Variants in RTN1 observed in about 807,000 individuals in gnomAD.
The protein encoded by RTN1 is reticulon 1.
In RTN1, 25 loss-of-function variants were observed where a neutral mutation model predicts 65.5. The observed-to-expected ratio is 0.38, with a 90% CI of 0.28 to 0.53. The LOEUF (loss-of-function observed/expected upper bound fraction) is 0.53, where lower values mean the gene tolerates loss of function less well. Among genes scored for constraint, RTN1 ranks in the 20% least tolerant of loss-of-function variants. The probability of loss-of-function intolerance (pLI) is 0.79; values close to 1 mark genes in which losing one functional copy is unlikely to be tolerated. For synonymous variants in RTN1, 471 were observed against 447.6 expected, an observed-to-expected ratio of 1.05 and a Z score of -0.66; for missense variants, 983 against 1,025.4, an observed-to-expected ratio of 0.96 and a Z score of 0.57.
chr14:59,842,946 C>T (rs1185333365), intron 1 of RTN1, among the ~76,000 whole-genome samples: 3 of 152,146 alleles, frequency 2.0e-5, no homozygotes, highest in South Asian at 2.1e-4. Context: ...TAAAACTAAA[C>T]ATTAGCCTAC....
chr14:59,747,998 A>G (rs1220790554), intron 1 of RTN1, among the ~76,000 whole-genome samples: 1 of 152,166 alleles, frequency 6.6e-6, no homozygotes, highest in Non-Finnish European at 1.5e-5. Flanking sequence ...TTTCATTAAT[A>G]TCAACTCATT....
intron 3 of RTN1, among the ~76,000 whole-genome samples, chr14:59,616,653 C>T (rs997772245): frequency 3.3e-5 from 5 of 152,116 alleles, no homozygotes; most frequent in African/African-American, 1.2e-4. Context: ...CAAAAGTAAA[C>T]AAAACTGCTA....
chr14:59,628,106 A>T (rs1419394779), intron 3 of RTN1, among the ~76,000 whole-genome samples: 1 of 152,096 alleles, frequency 6.6e-6, no homozygotes, highest in Non-Finnish European at 1.5e-5. Flanking sequence ...AGGCTGAGGC[A>T]GGAGGATTGC....
intron 3 of RTN1, among the ~76,000 whole-genome samples, chr14:59,635,512 A>G (rs1380496081): frequency 6.6e-6 from 1 of 152,208 alleles, no homozygotes; most frequent in African/African-American, 2.4e-5. Context: ...CAGGAGACAA[A>G]AACAGAACAT....
chr14:59,756,994 T>C lies in RTN1; in HGVS notation c.242-10513A>G, dbSNP rs973034570. Among the ~76,000 whole-genome samples, 5 of 152,164 alleles carry C rather than the reference T, an allele frequency of 3.3e-5. No individual in the cohort carries two copies. In the East Asian group the frequency reaches 9.6e-4, roughly 29 times the overall value. ...ATGAGCCACTGCATCTAGCTCTTTG[T>C]TTACAAAAAAATACTTTATTCTTAT... is the stretch of plus-strand genomic sequence containing the variant. On this transcript the variant is annotated intron_variant, in intron 1 of 8. Coordinates refer to ENST00000267484, the MANE Select transcript of RTN1 (RefSeq NM_021136.3).
chr14:59,796,888 T>A (rs1283168993), intron 1 of RTN1, among the ~76,000 whole-genome samples: 1 of 152,188 alleles, frequency 6.6e-6, no homozygotes. Context: ...ATCCTGTCTA[T>A]CTTCATATCC....
chr14:59,748,434 C>G (rs1399014739), intron 1 of RTN1, among the ~76,000 whole-genome samples: 7 of 151,812 alleles, frequency 4.6e-5, no homozygotes, highest in Non-Finnish European at 8.8e-5. Context: ...ACCTATATAC[C>G]TAATTCTCTC....
intron 3 of RTN1, among the ~76,000 whole-genome samples, chr14:59,712,331 C>T (rs1040456433): frequency 2.6e-5 from 4 of 152,092 alleles, no homozygotes; most frequent in Admixed American, 6.5e-5. Context: ...TACTGATCTA[C>T]AGATGTTATA....
chr14:59,769,439 C>T (rs973944607), intron 1 of RTN1, among the ~76,000 whole-genome samples: 1 of 152,070 alleles, frequency 6.6e-6, no homozygotes, highest in East Asian at 1.9e-4. Flanking sequence ...ATATATTTTT[C>T]ATGGATACTT....
chr14:59,690,575 C>T (rs1883940008), intron 3 of RTN1, among the ~76,000 whole-genome samples: 1 of 152,054 alleles, frequency 6.6e-6, no homozygotes, highest in South Asian at 2.1e-4. Flanking sequence ...TTAAATTCAA[C>T]ATTTGACCCA....
In RTN1 at chr14:59,835,129, G is replaced by A. The variant is rs191816023; in HGVS notation, c.241+35261C>T. Reference sequence around the variant, plus strand: ...ACTATCATCAGGTGAATGAGTAAACGCATTGTGATGTATCCATACAATGCA... The same window carrying A: ...ACTATCATCAGGTGAATGAGTAAACACATTGTGATGTATCCATACAATGCA... On this transcript the variant is annotated intron_variant, in intron 1 of 8. Coordinates refer to ENST00000267484, the MANE Select transcript of RTN1 (RefSeq NM_021136.3). Among the ~76,000 whole-genome samples the A allele has an allele frequency of 2.8e-4, 42 of 152,018 alleles. No homozygotes were observed. In the East Asian group the frequency reaches 5.0e-3, roughly 18 times the overall value.
intron 2 of RTN1, among the ~76,000 whole-genome samples, chr14:59,730,526 C>T (rs991968364): frequency 6.6e-6 from 1 of 152,148 alleles, no homozygotes; most frequent in African/African-American, 2.4e-5. Context: ...ATAAACTGGG[C>T]TTTTGTGCTT....
At chr14:59,742,565 T>C (rs1193966480) in intron 2 of RTN1, among the ~76,000 whole-genome samples, 2 of 152,204 alleles carry the variant, frequency 1.3e-5, no homozygotes, top group Non-Finnish European at 1.5e-5. Flanking sequence ...GGGAGAAATA[T>C]AAATATATTA....
At chr14:59,832,688 T>C (rs980236825) in intron 1 of RTN1, among the ~76,000 whole-genome samples, 1 of 152,198 alleles carries the variant, frequency 6.6e-6, no homozygotes, top group Admixed American at 6.5e-5. Flanking sequence ...CTCATTTAGA[T>C]TGGGGGCAGG....
chr14:59,749,328 CTATATATATCTA>C (rs1885334433), intron 1 of RTN1, among the ~76,000 whole-genome samples: 1 of 19,798 alleles, frequency 5.1e-5, no homozygotes, highest in Non-Finnish European at 7.3e-5. Flanking sequence ...ATCTATATAT[CTATATATATCTA>C]TATATATCTA....
intron 3 of RTN1, among the ~76,000 whole-genome samples, chr14:59,722,946 C>T (rs1291518409): frequency 1.3e-5 from 2 of 151,752 alleles, no homozygotes; most frequent in East Asian, 3.9e-4. Flanking sequence ...TACAGGCATG[C>T]ACCACCACAC....
intron 3 of RTN1, among the ~76,000 whole-genome samples, chr14:59,689,332 G>A (rs956796638): frequency 1.3e-5 from 2 of 152,184 alleles, no homozygotes; most frequent in Non-Finnish European, 2.9e-5. Flanking sequence ...CTAAACCTAT[G>A]AATTAGTGGC....
chr14:59,697,202 C>G (rs1884081290), intron 3 of RTN1, among the ~76,000 whole-genome samples: 1 of 152,184 alleles, frequency 6.6e-6, no homozygotes, highest in South Asian at 2.1e-4. Flanking sequence ...TCAAATATCC[C>G]TCATTTTGGT....
chr14:59,607,736 C>A (rs1431535056), intron 3 of RTN1: 16 of 514,526 alleles, frequency 3.1e-5, no homozygotes, highest in Non-Finnish European at 4.6e-5. Context: ...ACTATTGAAT[C>A]TCCATTGACC....
Sources: allele counts gnomAD v4.1 joint callset (sites outside exome capture counted in the v4.1 genomes callset), GRCh38; gene constraint gnomAD v4.1.1; transcripts MANE v1.5; gene names NCBI Gene and HGNC (gene_info 2026-07-23, HGNC 2026-07-21).